Variants in LEMD3 observed in about 807,000 individuals in gnomAD.
LEMD3 encodes the protein inner nuclear membrane protein Man1.
A neutral mutation model predicts 95.2 loss-of-function variants in LEMD3; 33 were observed. That is an observed-to-expected ratio of 0.35 (90% CI 0.26 to 0.46). LEMD3 has a LOEUF of 0.46. LEMD3 is among the 20% of genes least tolerant of loss of function. The pLI is 1.00. For synonymous variants in LEMD3, 525 were observed against 474.6 expected, an observed-to-expected ratio of 1.11 and a Z score of -1.38; for missense variants, 1,210 against 1,192.8, an observed-to-expected ratio of 1.01 and a Z score of -0.21.
chr12:65,169,618 G>A lies in LEMD3; in HGVS notation c.22G>A (p.Ala8Thr), dbSNP rs756414909. 1.5e-5 allele frequency: 24 copies of A among 1,588,600 alleles called. No individual in the cohort carries two copies. Among genetic ancestry groups the A allele is most frequent in the Non-Finnish European group, 1.9e-5 (22 of 1,169,832 alleles). ...GAAAATGGCGGCGGCAGCAGCTTCG[G>A]CGCCTCAGCAGCTCTCGGATGAGGA... is the stretch of plus-strand genomic sequence containing the variant. MAAAAAS[A>T]PQQLSDEELF... Residue 8 changes from alanine (A) to threonine (T), a missense_variant, in exon 1 of 13, where the codon GCG becomes ACG. This residue lies in a region of LEMD3 where 749 missense variants were observed against 622.9 expected (regional missense o/e 1.20). Transcript: ENST00000308330.
intron 4 of LEMD3, among the ~76,000 whole-genome samples, chr12:65,230,676 C>T (rs1870598067): frequency 6.6e-6 from 1 of 152,146 alleles, no homozygotes; most frequent in Non-Finnish European, 1.5e-5. Flanking sequence ...TTAGAGTGTT[C>T]CACATTAACA....
Position 65,169,704 on chromosome 12 carries a change from C to T in LEMD3, c.108C>T (p.Arg36=). 6.3e-7 allele frequency: 1 copy of T among 1,584,698 alleles called. No individual in the cohort carries two copies. The highest frequency in any genetic ancestry group is 8.6e-7 in the Non-Finnish European group (1 of 1,165,886). ...CCGGACCAGTGACGGAGAGCACCCGCCCGGTCTACCTCAAGAAGCTGAAGA... is the reference window on the plus strand; with the variant it reads ...CCGGACCAGTGACGGAGAGCACCCGTCCGGTCTACCTCAAGAAGCTGAAGA... ...LSPGPVTEST[R]PVYLKKLKKL... The change falls in exon 1 of 13, where the codon CGC becomes CGT. Residue 36 remains arginine, a synonymous_variant. Coordinates refer to ENST00000308330, the MANE Select transcript of LEMD3 (RefSeq NM_014319.5).
At chr12:65,203,877 T>C (rs969675079) in intron 1 of LEMD3, among the ~76,000 whole-genome samples, 4 of 152,216 alleles carry the variant, frequency 2.6e-5, no homozygotes, top group African/African-American at 7.2e-5. Flanking sequence ...TTTGTCATTA[T>C]GTAATGCTCC....
chr12:65,171,009 C>T lies in LEMD3; in HGVS notation c.1413C>T (p.His471=). The T allele has an allele frequency of 6.2e-7, 1 of 1,614,226 alleles. No homozygotes were observed. The highest frequency in any genetic ancestry group is 8.5e-7 in the Non-Finnish European group (1 of 1,180,034). ...CCCCAACAGGGAGTTTCAGTGCCCA[C>T]TACTTGTCGATGTTTCTCTTAACTG... ...EVSPTGSFSA[H]YLSMFLLTAA... Residue 471 remains histidine (H), a synonymous_variant, in exon 1 of 13, where the codon CAC becomes CAT. Coordinates refer to ENST00000308330, the MANE Select transcript of LEMD3 (RefSeq NM_014319.5).
chr12:65,204,376 T>G (rs1278982748), intron 1 of LEMD3, among the ~76,000 whole-genome samples: 1 of 152,130 alleles, frequency 6.6e-6, no homozygotes, highest in Non-Finnish European at 1.5e-5. Context: ...TTCCCCTCCA[T>G]GTGCCTGTGT....
At chr12:65,188,634 T>A (rs771087761) in intron 1 of LEMD3, among the ~76,000 whole-genome samples, 4 of 151,264 alleles carry the variant, frequency 2.6e-5, no homozygotes, top group Non-Finnish European at 5.9e-5. Flanking sequence ...CCTCCTTACT[T>A]GCTTTAACAA....
chr12:65,181,231 G>A (rs899056419), intron 1 of LEMD3, among the ~76,000 whole-genome samples: 1 of 152,118 alleles, frequency 6.6e-6, no homozygotes, highest in South Asian at 2.1e-4. Flanking sequence ...GTTTATAAGT[G>A]TATCTCCCAT....
chr12:65,169,839 A>C lies in LEMD3; in HGVS notation c.243A>C (p.Pro81=). 1 of 1,464,048 alleles carries C rather than the reference A, an allele frequency of 6.8e-7. No individual in the cohort carries two copies. The highest frequency in any genetic ancestry group is 2.5e-5 in the East Asian group (1 of 39,594). 90.7% of individuals were successfully genotyped at this position (1,464,048 alleles called of 1,614,324 possible). ...TAAATVAAAG[P]AAAAAAGMGV... ...CCGCCACGGTCGCAGCCGCGGGACCAGCGGCGGCGGCGGCCGCGGGGATGG... is the reference window on the plus strand; with the variant it reads ...CCGCCACGGTCGCAGCCGCGGGACCCGCGGCGGCGGCGGCCGCGGGGATGG... Residue 81 remains proline (P), a synonymous_variant, in exon 1 of 13, where the codon CCA becomes CCC. Coordinates refer to ENST00000308330, the MANE Select transcript of LEMD3 (RefSeq NM_014319.5).
rs1351767540 is a variant in LEMD3, at chr12:65,238,740, C to T, written c.1847C>T (p.Pro616Leu). The change falls in exon 6 of 13, where the codon CCA becomes CTA. Residue 616 changes from proline to leucine, a missense_variant. Physicochemically the swap from Pro to Leu is moderately conservative, Grantham distance 98 (BLOSUM62 -3). Around this residue, in one of 2 missense-constraint regions of LEMD3, gnomAD observed 461 missense variants for 569.8 expected, o/e 0.81. Coordinates refer to ENST00000308330, the MANE Select transcript of LEMD3 (RefSeq NM_014319.5). ...GTGCAGTTTTTACAGTCCACAAGAC[C>T]ACTGATGTCTTTTTGGTGTCGTTTT... ...TDVQFLQSTR[P>L]LMSFWCRFRR... The T allele has an allele frequency of 1.9e-6, 3 of 1,613,868 alleles. No individual in the cohort carries two copies. In the Admixed American group the frequency reaches 5.0e-5, roughly 27 times the overall value.
At position 65,169,799 on chromosome 12, in the gene LEMD3, A is replaced by G. The variant is rs1350205443; in HGVS notation, c.203A>G (p.Asn68Ser). The stretch of plus-strand genomic sequence containing the variant: ...GGCAACAAGACGCGGAACAGTAATA[A>G]CAATAACACGGCAGCCGCCACGGTC... ...GRGNKTRNSN[N>S]NNTAAATVAA... Residue 68 changes from asparagine (N) to serine (S), a missense_variant, in exon 1 of 13, where the codon AAC (asparagine) becomes AGC (serine). This residue lies in a region of LEMD3 where 749 missense variants were observed against 622.9 expected (regional missense o/e 1.20). Coordinates refer to ENST00000308330, the MANE Select transcript of LEMD3 (RefSeq NM_014319.5). 1.3e-6 allele frequency: 2 copies of G among 1,529,194 alleles called. No individual in the cohort carries two copies. Among genetic ancestry groups the G allele is most frequent in the Admixed American group, 2.1e-5 (1 of 47,104 alleles). 94.7% of individuals were successfully genotyped at this position (1,529,194 alleles called of 1,614,324 possible).
chr12:65,248,286 T>TA lies in LEMD3; in HGVS notation c.*1968dup, dbSNP rs1051612762. The TA allele has an allele frequency of 6.6e-6, 1 of 152,052 alleles. No homozygotes were observed. The highest frequency in any genetic ancestry group is 1.5e-5 in the Non-Finnish European group (1 of 67,972). The allele number at this position is 152,052 out of a possible 1,614,324, so 9.4% of individuals were successfully genotyped here. On this transcript the variant is annotated 3_prime_UTR_variant, in exon 13 of 13. Transcript: ENST00000308330. ...TGATGTAATCTGTTACTTGTCCTGT[T>TA]AAAAAAAGGAAAAAATTCTAATTAA...
At chr12:65,216,875 A>T (rs1565791945) in intron 3 of LEMD3, among the ~76,000 whole-genome samples, 2 of 152,062 alleles carry the variant, frequency 1.3e-5, no homozygotes, top group Admixed American at 1.3e-4. Context: ...ATTCTGGTCA[A>T]TTTTTTAAGC....
intron 1 of LEMD3, among the ~76,000 whole-genome samples, chr12:65,187,435 G>A (rs187592762): frequency 1.3e-5 from 2 of 152,122 alleles, no homozygotes; most frequent in African/African-American, 2.4e-5. Context: ...GCCTAGGGAG[G>A]TTAAGAAACT....
chr12:65,239,153 T>A (rs574609507), intron 6 of LEMD3, among the ~76,000 whole-genome samples: 2 of 152,306 alleles, frequency 1.3e-5, no homozygotes, highest in South Asian at 4.1e-4. Context: ...TTATTAAAAT[T>A]TAGTTTTTAA....
chr12:65,182,311 C>A (rs1346967795), intron 1 of LEMD3, among the ~76,000 whole-genome samples: 1 of 152,030 alleles, frequency 6.6e-6, no homozygotes, highest in Non-Finnish European at 1.5e-5. Flanking sequence ...TTACTTCCAG[C>A]CAGTGATTTT....
At chr12:65,234,240 G>T (rs1261141059) in intron 4 of LEMD3, among the ~76,000 whole-genome samples, 1 of 152,140 alleles carries the variant, frequency 6.6e-6, no homozygotes, top group Admixed American at 6.5e-5. Context: ...AAAAAAGAAA[G>T]AAAGAAATTT....
At chr12:65,204,043 T>G (rs761634646) in intron 1 of LEMD3, among the ~76,000 whole-genome samples, 24 of 152,202 alleles carry the variant, frequency 1.6e-4, no homozygotes, top group Non-Finnish European at 3.2e-4. Context: ...GTGGATTTCT[T>G]ACAGACAACT....
intron 1 of LEMD3, among the ~76,000 whole-genome samples, chr12:65,199,722 T>C (rs927217171): frequency 1.3e-5 from 2 of 152,120 alleles, no homozygotes; most frequent in Non-Finnish European, 2.9e-5. Flanking sequence ...ATAAAGCTGC[T>C]GTAAACATCC....
At chr12:65,227,372 A>G (rs1469255150) in intron 4 of LEMD3, among the ~76,000 whole-genome samples, 1 of 152,170 alleles carries the variant, frequency 6.6e-6, no homozygotes, top group Non-Finnish European at 1.5e-5. Context: ...GATTGGTCAT[A>G]AATTCCTGGA....
Sources: allele counts gnomAD v4.1 joint callset (sites outside exome capture counted in the v4.1 genomes callset), GRCh38; gene constraint gnomAD v4.1.1; regional missense constraint gnomAD v4.1.1; transcripts MANE v1.5; gene names NCBI Gene and HGNC (gene_info 2026-07-23, HGNC 2026-07-21).